DLG1: variants seen among roughly 807,000 people sequenced by gnomAD.
The protein encoded by DLG1 is discs large MAGUK scaffold protein 1.
In DLG1, 42 loss-of-function variants were observed where a neutral mutation model predicts 123.4. The ratio of observed to expected loss-of-function variants is 0.34; its 90% CI spans 0.27 to 0.44. The LOEUF is 0.44. Among genes scored for constraint, DLG1 ranks in the 20% least tolerant of loss-of-function variants. DLG1 has a pLI of 1.00. For missense variants in DLG1, 942 were observed against 1,082.6 expected (o/e 0.87, Z 1.82); for synonymous variants, 317 against 356.2 (o/e 0.89, Z 1.24).
At chr3:197,085,834 G>T in intron 15 of DLG1, 78 bp from the exon 16 acceptor site, 1 of 1,323,398 alleles carries the variant, frequency 7.6e-7, no homozygotes, top group Non-Finnish European at 1.0e-6. Flanking sequence ...GAAAGTATAT[G>T]TAATTTGGGT....
chr3:197,065,191 G>A (rs981003819), intron 22 of DLG1, 85 bp downstream of exon 22: 8 of 1,280,364 alleles, frequency 6.2e-6, no homozygotes, highest in Non-Finnish European at 5.2e-6. Flanking sequence ...AAACTAATTA[G>A]TGCTGTATCT....
At chr3:197,219,210 T>C (rs1363951895) in intron 4 of DLG1, among the ~76,000 whole-genome samples, 3 of 152,160 alleles carry the variant, frequency 2.0e-5, no homozygotes, top group Admixed American at 2.0e-4. Context: ...TCCTCTATTC[T>C]CAAACACATG....
intron 22 of DLG1, among the ~76,000 whole-genome samples, chr3:197,064,010 T>G (rs149295350): frequency 1.3e-3 from 197 of 149,282 alleles, no homozygotes; most frequent in African/African-American, 4.5e-3. Flanking sequence ...CTCACTGCAA[T>G]CTCCTGGGTT....
At chr3:197,181,749 T>A (rs1284118721) in intron 5 of DLG1, among the ~76,000 whole-genome samples, 1 of 150,044 alleles carries the variant, frequency 6.7e-6, no homozygotes, top group Non-Finnish European at 1.5e-5. Context: ...AATACTCCTA[T>A]TTCTAGAAAT....
In DLG1 at chr3:197,272,898, A is replaced by C. The variant is rs146614218; in HGVS notation, c.318+9781T>G. Among the ~76,000 whole-genome samples the C allele has an allele frequency of 2.7e-3, 415 of 152,228 alleles. 1 individual carries two copies. The highest frequency in any genetic ancestry group is 8.3e-3 in the African/African-American group (344 of 41,540). On this transcript the variant is annotated intron_variant, in intron 4 of 24. Transcript: ENST00000667157. ...GGGGTACTGGTATTTTTCTTTTTTA[A>C]ACTGAGATAAAATGGACATGCTATA...
chr3:197,215,338 C>A (rs1733561519), intron 4 of DLG1, among the ~76,000 whole-genome samples: 1 of 151,904 alleles, frequency 6.6e-6, no homozygotes, highest in Admixed American at 6.6e-5. Flanking sequence ...ATTGAGTATC[C>A]ATTAGAAAAA....
chr3:197,248,456 C>T (rs1752838991), intron 4 of DLG1, among the ~76,000 whole-genome samples: 1 of 152,104 alleles, frequency 6.6e-6, no homozygotes, highest in Admixed American at 6.5e-5. Context: ...AATGGGATCC[C>T]AGATGAGCCC....
chr3:197,256,103 T>C (rs1027402132), intron 4 of DLG1, among the ~76,000 whole-genome samples: 4 of 152,250 alleles, frequency 2.6e-5, no homozygotes, highest in Admixed American at 2.0e-4. Context: ...CTAGCTTTAT[T>C]TGGCATTCTA....
Position 197,116,067 on chromosome 3 carries a change from C to A in DLG1, c.1303G>T (p.Val435Phe), listed in dbSNP as rs770848633. The A allele has an allele frequency of 1.4e-5, 23 of 1,598,148 alleles. No individual in the cohort carries two copies. The highest frequency in any genetic ancestry group is 2.0e-5 in the Non-Finnish European group (23 of 1,175,782). ...DEITREPRKV[V>F]LHRGSTGLGF... ...AGGCCCGTTGAGCCACGATGAAGAA[C>A]AACTTTTCTAGGTTCCCTAAAAATT... Residue 435 changes from valine (V) to phenylalanine (F), a missense_variant, in exon 13 of 25, where the codon GTT becomes TTT. Coordinates refer to ENST00000667157, the MANE Select transcript of DLG1 (RefSeq NM_001366207.1).
In DLG1 at chr3:197,043,189, A is replaced by G. The variant is rs1721131810; in HGVS notation, c.*1434T>C. On this transcript the variant is annotated 3_prime_UTR_variant, in exon 25 of 25. Coordinates refer to ENST00000667157, the MANE Select transcript of DLG1 (RefSeq NM_001366207.1). The stretch of plus-strand genomic sequence containing the variant: ...ATTGCTCACCATGAAGATTTGTGCA[A>G]TTCTAGTGCAGAGCAGTGGATGAAA... 1 of 152,188 alleles carries G rather than the reference A, an allele frequency of 6.6e-6. No individual in the cohort carries two copies. The highest frequency in any genetic ancestry group is 6.5e-5 in the Admixed American group (1 of 15,268). The allele number at this position is 152,188 out of a possible 1,614,324, so 9.4% of individuals were successfully genotyped here.
chr3:197,253,371 A>G (rs544837081), intron 4 of DLG1, among the ~76,000 whole-genome samples: 1 of 152,318 alleles, frequency 6.6e-6, no homozygotes, highest in East Asian at 1.9e-4. Context: ...ATCGATGACA[A>G]TGACTAAAAT....
In DLG1 at chr3:197,191,069, T is replaced by TTGGGAAG. The variant is rs1192597265; in HGVS notation, c.483+3355_483+3356insCTTCCCA. On this transcript the variant is annotated intron_variant, in intron 5 of 24. Coordinates refer to ENST00000667157, the MANE Select transcript of DLG1 (RefSeq NM_001366207.1). The stretch of plus-strand genomic sequence containing the variant: ...GGTTTTGTCATATTAATCTTTGATT[T>TTGGGAAG]ACACAAAAAGTCTTCCCAATTATAA... Among the ~76,000 whole-genome samples the TTGGGAAG allele has an allele frequency of 1.3e-3, 202 of 152,294 alleles. 1 individual carries two copies. The highest frequency in any genetic ancestry group is 4.7e-3 in the African/African-American group (195 of 41,562).
chr3:197,091,299 C>T (rs1757598936), intron 14 of DLG1, among the ~76,000 whole-genome samples: 1 of 151,926 alleles, frequency 6.6e-6, no homozygotes, highest in African/African-American at 2.4e-5. Flanking sequence ...TGACAATTTC[C>T]ATGCATCAGA....
chr3:197,230,601 A>G (rs1742420832), intron 4 of DLG1, among the ~76,000 whole-genome samples: 1 of 152,220 alleles, frequency 6.6e-6, no homozygotes, highest in South Asian at 2.1e-4. Context: ...TGTTTAAATA[A>G]GCAGTGTTGT....
chr3:197,246,037 C>G (rs1273644451), intron 4 of DLG1, among the ~76,000 whole-genome samples: 1 of 151,998 alleles, frequency 6.6e-6, no homozygotes, highest in African/African-American at 2.4e-5. Flanking sequence ...ACCCTGAAGG[C>G]ATACTTGGAA....
Position 197,245,900 on chromosome 3 carries a change from T to TGGG in DLG1, c.318+36776_318+36778dup, listed in dbSNP as rs34147802. On this transcript the variant is annotated intron_variant, in intron 4 of 24. Coordinates refer to ENST00000667157, the MANE Select transcript of DLG1 (RefSeq NM_001366207.1). The stretch of plus-strand genomic sequence containing the variant: ...GACATGGACAATACTTTTTTTTTTT[T>TGGG]GGGGGGGGGGGAGGTGGCAAATGAA... Among the ~76,000 whole-genome samples the TGGG allele has an allele frequency of 5.4e-4, 46 of 85,360 alleles. 1 individual carries two copies. Among genetic ancestry groups the TGGG allele is most frequent in the African/African-American group, 1.1e-3 (23 of 20,960 alleles). The allele number at this position is 85,360 out of a possible 152,430, so 56.0% of individuals were successfully genotyped here.
intron 3 of DLG1, among the ~76,000 whole-genome samples, chr3:197,289,903 T>A (rs562893078): frequency 8.9e-4 from 135 of 152,310 alleles, no homozygotes; most frequent in African/African-American, 3.1e-3. Context: ...AGACTAAGAA[T>A]CATACATGAC....
At chr3:197,298,390 G>A (rs1778538680) in intron 1 of DLG1, 146 bp downstream of exon 1, 1 of 398,048 alleles carries the variant, frequency 2.5e-6, no homozygotes, top group Non-Finnish European at 4.4e-6. Flanking sequence ...AGGTGGCCCG[G>A]GGTGGCCCTG....
At chr3:197,054,191 A>G (rs1042678179) in intron 23 of DLG1, among the ~76,000 whole-genome samples, 9 of 152,204 alleles carry the variant, frequency 5.9e-5, no homozygotes, top group Non-Finnish European at 1.0e-4. Flanking sequence ...CTGTATTCTG[A>G]CACTTTGATT....
Sources: gnomAD v4.1 joint callset for allele counts (sites outside exome capture counted in the v4.1 genomes callset) on GRCh38, gnomAD v4.1.1 for gene constraint, MANE v1.5 for transcripts, NCBI Gene and HGNC (gene_info 2026-07-23, HGNC 2026-07-21) for gene names.